The following HMCN2 variants were observed in gnomAD, a reference collection of about 807,000 sequenced individuals.
The protein encoded by HMCN2 is hemicentin-2.
A neutral mutation model predicts 377.5 loss-of-function variants in HMCN2; 325 were observed. The observed-to-expected ratio is 0.86, with a 90% CI of 0.79 to 0.94. The LOEUF is 0.94. HMCN2 is among the 40% of genes least tolerant of loss of function. The pLI is 0.00. For missense variants in HMCN2, 4,543 were observed against 4,725.3 expected (o/e 0.96, Z 1.13); for synonymous variants, 2,007 against 2,046.8 (o/e 0.98, Z 0.53).
chr9:130,393,428 G>A lies in HMCN2; in HGVS notation c.10234+119G>A. 1.8e-6 allele frequency: 1 copy of A among 542,360 alleles called. No homozygotes were observed. The highest frequency in any genetic ancestry group is 2.4e-6 in the Non-Finnish European group (1 of 416,272). 33.6% of individuals were successfully genotyped at this position (542,360 alleles called of 1,614,324 possible). On this transcript the variant is annotated intron_variant, in intron 67 of 97. Coordinates refer to ENST00000683500, the MANE Select transcript of HMCN2 (RefSeq NM_001291815.2). The surrounding 1 kb of genome is among the most constrained non-coding windows in gnomAD (Gnocchi z 5.2). ...ATGGGCCCTGGGGGCGTCGAGGAGAGCGGACACTGCGGCTCAGTCTCTGAC... is the reference window on the plus strand; with the variant it reads ...ATGGGCCCTGGGGGCGTCGAGGAGAACGGACACTGCGGCTCAGTCTCTGAC...
At chr9:130,383,158 C>T (rs1374276020) in intron 56 of HMCN2, among the ~76,000 whole-genome samples, 1 of 152,146 alleles carries the variant, frequency 6.6e-6, no homozygotes, top group East Asian at 1.9e-4. Flanking sequence ...CGTGCAGAGC[C>T]GTGCCCAGCA....
intron 35 of HMCN2, 121 bp downstream of exon 35, chr9:130,358,109 C>T (rs998723809): frequency 3.7e-5 from 32 of 874,166 alleles, no homozygotes; most frequent in African/African-American, 1.8e-5. Context: ...GGCCCAGAGC[C>T]CTCTCAGCCT....
At position 130,396,244 on chromosome 9, in the gene HMCN2, C is replaced by T; in HGVS notation, c.11129C>T (p.Ala3710Val). 1 of 1,287,222 alleles carries T rather than the reference C, an allele frequency of 7.8e-7. No individual in the cohort carries two copies. The highest frequency in any genetic ancestry group is 1.2e-5 in the South Asian group (1 of 80,962). The allele number at this position is 1,287,222 out of a possible 1,614,324, so 79.7% of individuals were successfully genotyped here. Residue 3710 changes from alanine (A) to valine (V), a missense_variant, in exon 73 of 98, where the codon GCC (alanine) becomes GTC (valine). Coordinates refer to ENST00000683500, the MANE Select transcript of HMCN2 (RefSeq NM_001291815.2). ...CAGACAGCCCTGCTGCCTTGCCAGG[C>T]CGACGGCGTGCCCGCACCCCTCGTG... ...VNQTALLPCQ[A>V]DGVPAPLVSW...
At position 130,325,849 on chromosome 9, in the gene HMCN2, TGTGA is replaced by T. The variant is rs1370776784; in HGVS notation, c.3075_3078del (p.Ser1026ArgfsTer45). Reference sequence around the variant, plus strand: ...TGACCTCCAGAGGTCCCCACTACAATGTGAGTAAGGAGGGCACCCTGCTCATCGC... The same window carrying T: ...TGACCTCCAGAGGTCCCCACTACAATGTAAGGAGGGCACCCTGCTCATCGC... On this transcript the variant is annotated frameshift_variant, in exon 21 of 98. Transcript: ENST00000683500. LOFTEE classifies it high-confidence loss of function. The T allele has an allele frequency of 6.6e-6, 1 of 152,250 alleles. No individual in the cohort carries two copies. Among genetic ancestry groups the T allele is most frequent in the African/African-American group, 2.4e-5 (1 of 41,448 alleles). The allele number at this position is 152,250 out of a possible 1,614,324, so 9.4% of individuals were successfully genotyped here. A position where few individuals can be genotyped will look rare whatever the true frequency, so the allele number is the denominator to read the frequency against.
chr9:130,407,391 T>C (rs1843152724), intron 82 of HMCN2, 180 bp from the exon 83 acceptor site: 2 of 393,746 alleles, frequency 5.1e-6, no homozygotes, highest in African/African-American at 2.2e-5. Flanking sequence ...GAAGGCAGGT[T>C]CATTAACCGC....
In HMCN2 at chr9:130,425,826, CCCAGCT is replaced by C; in HGVS notation, c.13782_13787del (p.Gln4595_Leu4596del). On this transcript the variant is annotated inframe_deletion, in exon 90 of 98. Transcript: ENST00000683500. Reference sequence around the variant, plus strand: ...TACAACGCGGCCCGGGGCCCCCAGCCCCAGCTGGTGCAGCACCTGCGGGCCTCAGCT... The same window carrying C: ...TACAACGCGGCCCGGGGCCCCCAGCCGGTGCAGCACCTGCGGGCCTCAGCT... 1 of 1,550,534 alleles carries C rather than the reference CCCAGCT, an allele frequency of 6.4e-7. No homozygotes were observed. Among genetic ancestry groups the C allele is most frequent in the Non-Finnish European group, 8.7e-7 (1 of 1,146,976 alleles).
intron 37 of HMCN2, among the ~76,000 whole-genome samples, chr9:130,359,972 T>C (rs73670535): frequency 0.027 from 4,132 of 152,206 alleles, 50 homozygotes; most frequent in Middle Eastern, 0.065. Context: ...ATACACGCGG[T>C]CCAGCCTGGC....
chr9:130,350,554 C>G (rs1389652123), intron 29 of HMCN2, among the ~76,000 whole-genome samples: 1 of 149,030 alleles, frequency 6.7e-6, no homozygotes, highest in Non-Finnish European at 1.5e-5. Flanking sequence ...AAGACTCCGT[C>G]CAAAAAAAAG....
chr9:130,276,084 G>T (rs1554923032), intron 1 of HMCN2, among the ~76,000 whole-genome samples: 1 of 150,564 alleles, frequency 6.6e-6, no homozygotes, highest in Non-Finnish European at 1.5e-5. Flanking sequence ...AGGAAGCCAT[G>T]GGTCTGAGGG....
At position 130,353,171 on chromosome 9, in the gene HMCN2, G is replaced by A. The variant is rs139259395; in HGVS notation, c.4830G>A (p.Gly1610=). 5.3e-5 allele frequency: 69 copies of A among 1,303,996 alleles called. 1 individual carries two copies. The East Asian group carries it at 3.7e-3, about 69-fold the overall frequency. The allele number at this position is 1,303,996 out of a possible 1,614,324, so 80.8% of individuals were successfully genotyped here. A position where few individuals can be genotyped will look rare whatever the true frequency, so the allele number is the denominator to read the frequency against. Reference sequence around the variant, plus strand: ...CCTGCAAGGCCAGCAATGCTGTGGGGGCCGCAGAGAAGGCCACCAGGCTGG... The same window carrying A: ...CCTGCAAGGCCAGCAATGCTGTGGGAGCCGCAGAGAAGGCCACCAGGCTGG... ...VYTCKASNAV[G]AAEKATRLDV... is the part of the protein sequence containing the mutation. Residue 1610 remains glycine (G), a synonymous_variant, in exon 31 of 98, where the codon GGG becomes GGA. Transcript: ENST00000683500.
Position 130,433,667 on chromosome 9 carries a change from A to T in HMCN2, c.15214A>T (p.Ile5072Phe). 1 of 1,511,520 alleles carries T rather than the reference A, an allele frequency of 6.6e-7. No individual in the cohort carries two copies. The highest frequency in any genetic ancestry group is 1.5e-5 in the African/African-American group (1 of 68,632). 93.6% of individuals were successfully genotyped at this position (1,511,520 alleles called of 1,614,324 possible). A position where few individuals can be genotyped will look rare whatever the true frequency, so the allele number is the denominator to read the frequency against. Residue 5072 changes from isoleucine (I) to phenylalanine (F), a missense_variant, in exon 98 of 98, where the codon ATC (isoleucine) becomes TTC (phenylalanine). This residue lies in a region of HMCN2 where 1,155 missense variants were observed against 1,157.7 expected (regional missense o/e 1.00). Transcript: ENST00000683500. ...CCACCAAAGCGTCTTCGTCTTGCTC[A>T]TCGCCGTGTCCCCCTACCCCTACTA... is the stretch of plus-strand genomic sequence containing the variant. ...PRHQSVFVLLIAVSPYPY is the reference protein window; with the variant it reads ...PRHQSVFVLLFAVSPYPY
Position 130,351,704 on chromosome 9 carries a change from A to T in HMCN2, c.4585+127A>T. ...ACCTGGTGAGTGATCCCTGAGTCCAAGAAAGCTGGGGGCTGGGGTCGGGGT... is the reference window on the plus strand; with the variant it reads ...ACCTGGTGAGTGATCCCTGAGTCCATGAAAGCTGGGGGCTGGGGTCGGGGT... On this transcript the variant is annotated intron_variant, in intron 30 of 97. Coordinates refer to ENST00000683500, the MANE Select transcript of HMCN2 (RefSeq NM_001291815.2). The surrounding 1 kb of genome is among the most constrained non-coding windows in gnomAD (Gnocchi z 5.4). The T allele has an allele frequency of 1.4e-6, 1 of 723,166 alleles. No homozygotes were observed. The highest frequency in any genetic ancestry group is 1.9e-6 in the Non-Finnish European group (1 of 520,334). The allele number at this position is 723,166 out of a possible 1,614,324, so 44.8% of individuals were successfully genotyped here. A position where few individuals can be genotyped will look rare whatever the true frequency, so the allele number is the denominator to read the frequency against.
chr9:130,422,338 A>C lies in HMCN2; in HGVS notation c.13232-239A>C, dbSNP rs1404730151. ...GGTTTTAAGGAATGGCAGAGCCAGAATTAGAAGCCAGCTCCGCCCTGAGCC... is the reference window on the plus strand; with the variant it reads ...GGTTTTAAGGAATGGCAGAGCCAGACTTAGAAGCCAGCTCCGCCCTGAGCC... On this transcript the variant is annotated intron_variant, in intron 86 of 97. Coordinates refer to ENST00000683500, the MANE Select transcript of HMCN2 (RefSeq NM_001291815.2). The surrounding 1 kb of genome is among the most constrained non-coding windows in gnomAD (Gnocchi z 4.2). Among the ~76,000 whole-genome samples, 1 of 152,250 alleles carries C rather than the reference A, an allele frequency of 6.6e-6. No individual in the cohort carries two copies. Among genetic ancestry groups the C allele is most frequent in the Non-Finnish European group, 1.5e-5 (1 of 68,044 alleles).
rs10118786 is a variant in HMCN2 at position 130,396,267 on chromosome 9, G to A, written c.11152G>A (p.Val3718Met). 0.037 allele frequency: 47,860 copies of A among 1,284,166 alleles called. 2,287 individuals carry two copies. The highest frequency in any genetic ancestry group is 0.22 in the African/African-American group (14,674 of 65,622). 79.5% of individuals were successfully genotyped at this position (1,284,166 alleles called of 1,614,324 possible). A position where few individuals can be genotyped will look rare whatever the true frequency, so the allele number is the denominator to read the frequency against. Residue 3718 changes from valine (V) to methionine (M), a missense_variant, in exon 73 of 98, where the codon GTG becomes ATG. Physicochemically the swap from Val to Met is conservative, Grantham distance 21 (BLOSUM62 1). Coordinates refer to ENST00000683500, the MANE Select transcript of HMCN2 (RefSeq NM_001291815.2). ...GGCCGACGGCGTGCCCGCACCCCTC[G>A]TGAGCTGGCGGAAGGACAGGGTCCC... Reference protein sequence around the residue: ...CQADGVPAPLVSWRKDRVPLD... With the variant: ...CQADGVPAPLMSWRKDRVPLD...
intron 49 of HMCN2, 49 bp downstream of exon 49, chr9:130,374,742 A>T (rs995046253): frequency 1.1e-6 from 1 of 928,620 alleles, no homozygotes; most frequent in Non-Finnish European, 1.3e-6. Flanking sequence ...AGGGAGGGAG[A>T]AGCAAGGTGA....
In HMCN2 at chr9:130,338,544, C is replaced by T. The variant is rs1164914738; in HGVS notation, c.3487+523C>T. The T allele has an allele frequency of 2.6e-5, 4 of 152,454 alleles. No homozygotes were observed. The East Asian group carries it at 5.8e-4, about 22-fold the overall frequency. The allele number at this position is 152,454 out of a possible 1,614,324, so 9.4% of individuals were successfully genotyped here. A position where few individuals can be genotyped will look rare whatever the true frequency, so the allele number is the denominator to read the frequency against. On this transcript the variant is annotated intron_variant, in intron 23 of 97. Coordinates refer to ENST00000683500, the MANE Select transcript of HMCN2 (RefSeq NM_001291815.2). ...TTTGTGCACCTATAACAGTGGGTGC[C>T]GCTCTCTCTCCATGTATCCCTTCCT...
chr9:130,383,757 G>A (rs994034608), intron 57 of HMCN2, among the ~76,000 whole-genome samples, 157 bp downstream of exon 57: 8 of 152,204 alleles, frequency 5.3e-5, no homozygotes, highest in Admixed American at 2.0e-4. Flanking sequence ...AGCATTTGGG[G>A]GGCCCTGATC....
In HMCN2 at chr9:130,317,641, C is replaced by G. The variant is rs1412044871; in HGVS notation, c.2351-1854C>G. Among the ~76,000 whole-genome samples, 27 of 150,856 alleles carry G rather than the reference C, an allele frequency of 1.8e-4. 2 individuals are homozygous for G. In the South Asian group the frequency reaches 4.2e-3, roughly 24 times the overall value. ...TCCTGGGTAGCTGGGATTACAGGTGCCTAACACCATGCCTGGCTAATTTAT... is the reference window on the plus strand; with the variant it reads ...TCCTGGGTAGCTGGGATTACAGGTGGCTAACACCATGCCTGGCTAATTTAT... On this transcript the variant is annotated intron_variant, in intron 15 of 97. Coordinates refer to ENST00000683500, the MANE Select transcript of HMCN2 (RefSeq NM_001291815.2).
At position 130,369,999 on chromosome 9, in the gene HMCN2, G is replaced by T. The variant is rs147225696; in HGVS notation, c.7069+148G>T. The T allele has an allele frequency of 5.9e-5, 21 of 353,572 alleles. No individual in the cohort carries two copies. Among genetic ancestry groups the T allele is most frequent in the Non-Finnish European group, 6.7e-5 (17 of 252,258 alleles). The allele number at this position is 353,572 out of a possible 1,614,324, so 21.9% of individuals were successfully genotyped here. On this transcript the variant is annotated intron_variant, in intron 45 of 97. Transcript: ENST00000683500. The surrounding 1 kb of genome is among the most constrained non-coding windows in gnomAD (Gnocchi z 4.5). ...CAGGGCTCTAATGAGAGCTGCTGGT[G>T]GGGGGAGCCACCAACACTGCTCTCA...
Sources: allele counts gnomAD v4.1 joint callset (sites outside exome capture counted in the v4.1 genomes callset), GRCh38; gene constraint gnomAD v4.1.1; regional missense constraint gnomAD v4.1.1; non-coding constraint Gnocchi (gnomAD v3.1); transcripts MANE v1.5; gene names NCBI Gene and HGNC (gene_info 2026-07-23, HGNC 2026-07-21).